STARD8: variants seen among roughly 807,000 people sequenced by gnomAD.
STARD8 encodes stAR-related lipid transfer protein 8.
In STARD8, 25 loss-of-function variants were observed where a neutral mutation model predicts 69.4. That is an observed-to-expected ratio of 0.36 (90% confidence interval 0.26 to 0.50). STARD8 has a LOEUF of 0.50. Among genes scored for constraint, STARD8 ranks in the 20% least tolerant of loss-of-function variants. The pLI is 0.96. For missense variants in STARD8, 921 were observed against 932.5 expected (o/e 0.99, Z 0.16); for synonymous variants, 389 against 374.6 (o/e 1.04, Z -0.45).
chrX:68,653,080 CCACACCACACACCA>C (rs1569351029), intron 1 of STARD8, among the ~76,000 whole-genome samples: 1 of 1,461 alleles, frequency 6.8e-4, no homozygotes, highest in Non-Finnish European at 1.5e-3. Context: ...CACACACACA[CCACACCACACACCA>C]CACACACCAC....
At chrX:68,705,141 G>T (rs2079995828) in intron 2 of STARD8, among the ~76,000 whole-genome samples, 1 of 112,521 alleles carries the variant, frequency 8.9e-6, no homozygotes, top group African/African-American at 3.2e-5. Flanking sequence ...ACTGGGTTGG[G>T]GGCAGGAGCC....
chrX:68,723,713 G>A lies in STARD8; in HGVS notation c.2887G>A (p.Glu963Lys). 1 of 1,194,536 alleles carries A rather than the reference G, an allele frequency of 8.4e-7. No homozygotes were observed. The highest frequency in any genetic ancestry group is 1.1e-6 in the Non-Finnish European group (1 of 886,653). ...PAVVLHRVLR[E>K]RALWDEDLLR... Reference sequence around the variant, plus strand: ...TGTGGTGCTGCATCGTGTTCTCCGGGAGCGGGCCCTCTGGGATGAGGATCT... The same window carrying A: ...TGTGGTGCTGCATCGTGTTCTCCGGAAGCGGGCCCTCTGGGATGAGGATCT... Residue 963 changes from glutamate to lysine, a missense_variant, in exon 13 of 15, where the codon GAG (glutamate) becomes AAG (lysine). Coordinates refer to ENST00000374599, the MANE Select transcript of STARD8 (RefSeq NM_001142503.3).
intron 1 of STARD8, among the ~76,000 whole-genome samples, chrX:68,652,965 CCA>C (rs2079565336): frequency 2.1e-5 from 1 of 47,044 alleles, no homozygotes; most frequent in Non-Finnish European, 3.9e-5. Context: ...CACACACACA[CCA>C]CACACCACAC....
At chrX:68,660,187 T>C (rs967587836) in intron 1 of STARD8, among the ~76,000 whole-genome samples, 5 of 111,425 alleles carry the variant, frequency 4.5e-5, no homozygotes, top group Non-Finnish European at 9.4e-5. Context: ...CTGAGTTCTA[T>C]AAAAGCCTTC....
At chrX:68,676,435 T>C (rs1279048685) in intron 2 of STARD8, among the ~76,000 whole-genome samples, 4 of 112,494 alleles carry the variant, frequency 3.6e-5, no homozygotes, top group Non-Finnish European at 7.5e-5. Context: ...ACTAATTGTT[T>C]AGGAAGAATT....
At chrX:68,677,302 A>G (rs949982078) in intron 2 of STARD8, among the ~76,000 whole-genome samples, 2 of 111,740 alleles carry the variant, frequency 1.8e-5, no homozygotes, top group African/African-American at 6.5e-5. Flanking sequence ...TGGGATAGAC[A>G]TGTCCTCTTC....
chrX:68,656,604 C>T (rs1478808730), intron 1 of STARD8: 8 of 112,292 alleles, frequency 7.1e-5, no homozygotes, highest in Admixed American at 3.8e-4. Context: ...TTGGAACCAA[C>T]CCAAATGTCC....
At chrX:68,701,120 C>T (rs1362091602) in intron 2 of STARD8, among the ~76,000 whole-genome samples, 2 of 111,704 alleles carry the variant, frequency 1.8e-5, no homozygotes, top group Admixed American at 9.5e-5. Flanking sequence ...GCCATGCCCA[C>T]CCACAGGGCT....
At chrX:68,664,806 A>G (rs1471295309) in intron 1 of STARD8, among the ~76,000 whole-genome samples, 1 of 112,767 alleles carries the variant, frequency 8.9e-6, no homozygotes, top group Non-Finnish European at 1.9e-5. Flanking sequence ...TCACTGCTAT[A>G]TCCTTAGCAT....
intron 11 of STARD8, 40 bp downstream of exon 11, chrX:68,722,201 G>T (rs1283299970): frequency 2.7e-6 from 3 of 1,124,470 alleles, no homozygotes; most frequent in Non-Finnish European, 3.6e-6. Flanking sequence ...TACCAGACCT[G>T]GGGGAACCAT....
Position 68,721,055 on chromosome X carries a change from T to C in STARD8, c.2181T>C (p.Tyr727=). ...ACGTGGCTGACCTGCTAAAGCAGTA[T>C]TTCCGGGACCTGCCTGAGCCCATCT... The part of the protein sequence containing the change: ...AYDVADLLKQ[Y]FRDLPEPIFT... The change falls in exon 9 of 15, where the codon TAT becomes TAC. Residue 727 remains tyrosine (Y), a synonymous_variant. Coordinates refer to ENST00000374599, the MANE Select transcript of STARD8 (RefSeq NM_001142503.3). 1 of 1,211,952 alleles carries C rather than the reference T, an allele frequency of 8.3e-7. No individual in the cohort carries two copies. Among genetic ancestry groups the C allele is most frequent in the Non-Finnish European group, 1.1e-6 (1 of 895,573 alleles).
In STARD8 at chrX:68,647,785, T is replaced by C. The variant is rs2079523924; in HGVS notation, c.-98T>C. 3.7e-6 allele frequency: 4 copies of C among 1,070,046 alleles called. No homozygotes were observed. The highest frequency in any genetic ancestry group is 5.0e-6 in the Non-Finnish European group (4 of 794,266). 88.2% of individuals were successfully genotyped at this position (1,070,046 alleles called of 1,213,427 possible). On this transcript the variant is annotated 5_prime_UTR_variant, in exon 1 of 15. Transcript: ENST00000374599. Reference sequence around the variant, plus strand: ...TGGAGCGCAGGGACCGGGCTGGCTCTCGCCGAGCCCCGGGCCTCTTTTAGC... The same window carrying C: ...TGGAGCGCAGGGACCGGGCTGGCTCCCGCCGAGCCCCGGGCCTCTTTTAGC...
At chrX:68,661,544 C>T (rs2079644381) in intron 1 of STARD8, among the ~76,000 whole-genome samples, 1 of 111,923 alleles carries the variant, frequency 8.9e-6, no homozygotes, top group South Asian at 3.7e-4. Flanking sequence ...TAGTGGACTG[C>T]TCAGAGCAGA....
chrX:68,661,970 CTCTTTCTTTCTTTCTTTCTT>C lies in STARD8; in HGVS notation c.46-3491_46-3472del, dbSNP rs1169605331. On this transcript the variant is annotated intron_variant, in intron 1 of 14. Transcript: ENST00000374599. Reference sequence around the variant, plus strand: ...CCTCTCTCTCTCTCTCTCTCTCTCTCTCTTTCTTTCTTTCTTTCTTTCTTTCTTTCTTTCTTTCTTTCTTT... The same window carrying C: ...CCTCTCTCTCTCTCTCTCTCTCTCTCTCTTTCTTTCTTTCTTTCTTTCTTT... Among the ~76,000 whole-genome samples, 371 of 55,973 alleles carry C rather than the reference CTCTTTCTTTCTTTCTTTCTT, an allele frequency of 6.6e-3. 5 individuals carry two copies. Among genetic ancestry groups the C allele is most frequent in the African/African-American group, 0.026 (283 of 10,991 alleles). 48.6% of individuals were successfully genotyped at this position (55,973 alleles called of 115,157 possible).
chrX:68,701,564 C>G (rs2079966406), intron 2 of STARD8, among the ~76,000 whole-genome samples: 1 of 112,800 alleles, frequency 8.9e-6, no homozygotes, highest in Non-Finnish European at 1.9e-5. Context: ...CCTCCATCAC[C>G]AAGGTGGACA....
In STARD8 at chrX:68,718,738, G is replaced by A. The variant is rs779373996; in HGVS notation, c.1715+109G>A. The A allele has an allele frequency of 2.0e-3, 2,162 of 1,090,048 alleles. 10 individuals carry two copies. Among genetic ancestry groups the A allele is most frequent in the Non-Finnish European group, 2.2e-3 (1,832 of 837,812 alleles). The allele number at this position is 1,090,048 out of a possible 1,213,427, so 89.8% of individuals were successfully genotyped here. A position where few individuals can be genotyped will look rare whatever the true frequency, so the allele number is the denominator to read the frequency against. Reference sequence around the variant, plus strand: ...CCAGGGCTAAGTGCTTGGCGGCTGCGTTATCCCCTCACAGCCAGCTCAGGA... The same window carrying A: ...CCAGGGCTAAGTGCTTGGCGGCTGCATTATCCCCTCACAGCCAGCTCAGGA... On this transcript the variant is annotated intron_variant, in intron 6 of 14. Coordinates refer to ENST00000374599, the MANE Select transcript of STARD8 (RefSeq NM_001142503.3).
intron 2 of STARD8, among the ~76,000 whole-genome samples, chrX:68,675,077 C>T (rs764727610): frequency 9.1e-6 from 1 of 109,995 alleles, no homozygotes; most frequent in African/African-American, 3.3e-5. Context: ...CTGCCTCAGC[C>T]TCCCCGAGTA....
chrX:68,674,440 G>A (rs190215511), intron 2 of STARD8, among the ~76,000 whole-genome samples: 129 of 111,182 alleles, frequency 1.2e-3, no homozygotes, highest in African/African-American at 4.0e-3. Flanking sequence ...GTTCATTGGA[G>A]GTACTTTGGG....
At position 68,693,617 on chromosome X, in the gene STARD8, C is replaced by G. The variant is rs1264804190; in HGVS notation, c.80-19297C>G. ...GGCGGGGCGTCCCTACAGCCCTACT[C>G]GCCGACGCTCCCTCCCCACTTGAGC... On this transcript the variant is annotated intron_variant, in intron 2 of 14. Coordinates refer to ENST00000374599, the MANE Select transcript of STARD8 (RefSeq NM_001142503.3). The G allele has an allele frequency of 9.3e-6, 7 of 752,575 alleles. No homozygotes were observed. The Admixed American group carries it at 3.5e-4, about 37-fold the overall frequency. 62.0% of individuals were successfully genotyped at this position (752,575 alleles called of 1,213,427 possible).
Sources: gnomAD v4.1 joint callset for allele counts (sites outside exome capture counted in the v4.1 genomes callset) on GRCh38, gnomAD v4.1.1 for gene constraint, MANE v1.5 for transcripts, NCBI Gene and HGNC (gene_info 2026-07-23, HGNC 2026-07-21) for gene names.